Variants in CAVIN2 observed in about 807,000 individuals in gnomAD.
The protein encoded by CAVIN2 is caveolae associated protein 2, also known as caveolae-associated protein 2.
In CAVIN2, 13 loss-of-function variants were observed where a neutral mutation model predicts 11.7. The observed-to-expected ratio is 1.11, with a 90% CI of 0.72 to 1.77. The LOEUF (loss-of-function observed/expected upper bound fraction) is 1.77. Ranked by LOEUF, CAVIN2 falls within the 40% of genes most tolerant of loss-of-function variation. The pLI is 0.00. For synonymous variants in CAVIN2, 237 were observed against 223.2 expected, an observed-to-expected ratio of 1.06 and a Z score of -0.55; for missense variants, 549 against 542.9, an observed-to-expected ratio of 1.01 and a Z score of -0.11.
At position 191,835,823 on chromosome 2, in the gene CAVIN2, C is replaced by T. The variant is rs1035140520; in HGVS notation, c.*100G>A. 2.3e-5 allele frequency: 27 copies of T among 1,169,536 alleles called. No homozygotes were observed. The East Asian group carries it at 6.2e-4, about 27-fold the overall frequency. 72.4% of individuals were successfully genotyped at this position (1,169,536 alleles called of 1,614,324 possible). A position where few individuals can be genotyped will look rare whatever the true frequency, so the allele number is the denominator to read the frequency against. Reference sequence around the variant, plus strand: ...TCAATGATTACTGCCTGGACAGGAACGCAGGAGTGGGTGAGTCGTGCTGGA... The same window carrying T: ...TCAATGATTACTGCCTGGACAGGAATGCAGGAGTGGGTGAGTCGTGCTGGA... On this transcript the variant is annotated 3_prime_UTR_variant, in exon 2 of 2. Coordinates refer to ENST00000304141, the MANE Select transcript of CAVIN2 (RefSeq NM_004657.6).
rs1188947350 is a variant in CAVIN2, at chr2:191,834,478, G to A, written c.*1445C>T. 1.3e-5 allele frequency: 2 copies of A among 152,132 alleles called. No homozygotes were observed. Among genetic ancestry groups the A allele is most frequent in the Admixed American group, 6.5e-5 (1 of 15,270 alleles). The allele number at this position is 152,132 out of a possible 1,614,324, so 9.4% of individuals were successfully genotyped here. On this transcript the variant is annotated 3_prime_UTR_variant, in exon 2 of 2. Transcript: ENST00000304141. ...TTTTATTAAAGACAAAGCACAGTTT[G>A]TTAATATTGTCTTGGATTAACTCTA...
chr2:191,846,674 G>C lies in CAVIN2; in HGVS notation c.252C>G (p.Ile84Met). 1 of 1,614,206 alleles carries C rather than the reference G, an allele frequency of 6.2e-7. No homozygotes were observed. Among genetic ancestry groups the C allele is most frequent in the Non-Finnish European group, 8.5e-7 (1 of 1,180,036 alleles). ...ENQHKMEQRQ[I>M]SLEGSVKGIQ... ...TGCCCTTCACGGAGCCCTCCAAACT[G>C]ATCTGTCGCTGCTCCATCTTGTGCT... Residue 84 changes from isoleucine to methionine, a missense_variant, in exon 1 of 2, where the codon ATC (isoleucine) becomes ATG (methionine). Physicochemically the swap from Ile to Met is conservative, Grantham distance 10. Transcript: ENST00000304141.
intron 1 of CAVIN2, among the ~76,000 whole-genome samples, chr2:191,838,489 C>T (rs566599699): frequency 5.3e-5 from 8 of 152,096 alleles, no homozygotes; most frequent in Non-Finnish European, 1.0e-4. Flanking sequence ...TAGAATTCCT[C>T]GTTAGAGTGA....
At chr2:191,837,591 G>C (rs1454088579) in intron 1 of CAVIN2, among the ~76,000 whole-genome samples, 5 of 152,068 alleles carry the variant, frequency 3.3e-5, no homozygotes, top group Non-Finnish European at 7.4e-5. Flanking sequence ...TCCAGCTGCC[G>C]GGCACACAGG....
chr2:191,834,439 G>A lies in CAVIN2; in HGVS notation c.*1484C>T, dbSNP rs966502058. 6.6e-6 allele frequency: 1 copy of A among 152,118 alleles called. No individual in the cohort carries two copies. Among genetic ancestry groups the A allele is most frequent in the Non-Finnish European group, 1.5e-5 (1 of 67,994 alleles). The allele number at this position is 152,118 out of a possible 1,614,324, so 9.4% of individuals were successfully genotyped here. ...AATAGGTTATGCCATCAATATGTTT[G>A]TTAATCCTATCCCTTTTATTAAAGA... On this transcript the variant is annotated 3_prime_UTR_variant, in exon 2 of 2. Transcript: ENST00000304141.
At chr2:191,836,889 C>T (rs1023325591) in intron 1 of CAVIN2, among the ~76,000 whole-genome samples, 172 bp from the exon 2 acceptor site, 1 of 152,184 alleles carries the variant, frequency 6.6e-6, no homozygotes, top group Non-Finnish European at 1.5e-5. Flanking sequence ...TCAAGTCATT[C>T]TATTTAGGCT....
At position 191,835,277 on chromosome 2, in the gene CAVIN2, T is replaced by G. The variant is rs1689995880; in HGVS notation, c.*646A>C. Reference sequence around the variant, plus strand: ...TGTTTCTCTCATTTTCCAAATTTTCTTTCTTACTTTTTGAATAGTCCTGAC... The same window carrying G: ...TGTTTCTCTCATTTTCCAAATTTTCGTTCTTACTTTTTGAATAGTCCTGAC... On this transcript the variant is annotated 3_prime_UTR_variant, in exon 2 of 2. Coordinates refer to ENST00000304141, the MANE Select transcript of CAVIN2 (RefSeq NM_004657.6). The G allele has an allele frequency of 1.3e-5, 2 of 152,168 alleles. No homozygotes were observed. Among genetic ancestry groups the G allele is most frequent in the Admixed American group, 1.3e-4 (2 of 15,284 alleles). The allele number at this position is 152,168 out of a possible 1,614,324, so 9.4% of individuals were successfully genotyped here.
chr2:191,846,224 A>T (rs1238614494), intron 1 of CAVIN2, among the ~76,000 whole-genome samples: 1 of 152,226 alleles, frequency 6.6e-6, no homozygotes, highest in Non-Finnish European at 1.5e-5. Context: ...AAGCCCGGGG[A>T]CATCTTCTTT....
chr2:191,844,641 TCA>T (rs2105738104), intron 1 of CAVIN2, among the ~76,000 whole-genome samples: 1 of 152,286 alleles, frequency 6.6e-6, no homozygotes, highest in South Asian at 2.1e-4. Flanking sequence ...GGCTGCAATT[TCA>T]CACCTGTCAA....
intron 1 of CAVIN2, among the ~76,000 whole-genome samples, chr2:191,843,072 TACTTGG>T (rs1690115816): frequency 6.6e-6 from 1 of 152,104 alleles, no homozygotes; most frequent in Non-Finnish European, 1.5e-5. Flanking sequence ...TAATCCCAGC[TACTTGG>T]GAGGCTGAGG....
At position 191,834,784 on chromosome 2, in the gene CAVIN2, G is replaced by T. The variant is rs1477475534; in HGVS notation, c.*1139C>A. The T allele has an allele frequency of 6.6e-6, 1 of 151,932 alleles. No individual in the cohort carries two copies. The highest frequency in any genetic ancestry group is 2.4e-5 in the African/African-American group (1 of 41,400). 9.4% of individuals were successfully genotyped at this position (151,932 alleles called of 1,614,324 possible). On this transcript the variant is annotated 3_prime_UTR_variant, in exon 2 of 2. Coordinates refer to ENST00000304141, the MANE Select transcript of CAVIN2 (RefSeq NM_004657.6). Reference sequence around the variant, plus strand: ...TAATCTGGAATGAAATTCCCATTATGTACAAAAAAAGAAAAAATAGAATCT... The same window carrying T: ...TAATCTGGAATGAAATTCCCATTATTTACAAAAAAAGAAAAAATAGAATCT...
chr2:191,835,979 G>A lies in CAVIN2; in HGVS notation c.1222C>T (p.Arg408Cys), dbSNP rs748041402. 5.6e-6 allele frequency: 9 copies of A among 1,614,082 alleles called. No homozygotes were observed. Among genetic ancestry groups the A allele is most frequent in the Non-Finnish European group, 7.6e-6 (9 of 1,180,030 alleles). Residue 408 changes from arginine (R) to cysteine (C), a missense_variant, in exon 2 of 2, where the codon CGC becomes TGC. Physicochemically the swap from Arg to Cys is radical, Grantham distance 180. Transcript: ENST00000304141. Reference protein sequence around the residue: ...SYALTSEEAERSDGDPVQPAV... With the variant: ...SYALTSEEAECSDGDPVQPAV... ...GGCTGCACGGGGTCCCCATCGGAGC[G>A]CTCCGCCTCCTCGGATGTTAGCGCG...
chr2:191,835,110 T>C lies in CAVIN2; in HGVS notation c.*813A>G, dbSNP rs1027944618. On this transcript the variant is annotated 3_prime_UTR_variant, in exon 2 of 2. Transcript: ENST00000304141. Reference sequence around the variant, plus strand: ...TTAGAAAATAAAAATATTTTGAAGATGACATGTTATTCCAGGATATACGAA... The same window carrying C: ...TTAGAAAATAAAAATATTTTGAAGACGACATGTTATTCCAGGATATACGAA... 8 of 152,110 alleles carry C rather than the reference T, an allele frequency of 5.3e-5. No individual in the cohort carries two copies. Among genetic ancestry groups the C allele is most frequent in the African/African-American group, 1.7e-4 (7 of 41,468 alleles). 9.4% of individuals were successfully genotyped at this position (152,110 alleles called of 1,614,324 possible). A position where few individuals can be genotyped will look rare whatever the true frequency, so the allele number is the denominator to read the frequency against.
intron 1 of CAVIN2, among the ~76,000 whole-genome samples, chr2:191,844,714 C>A (rs1690139603): frequency 6.6e-6 from 1 of 152,028 alleles, no homozygotes; most frequent in African/African-American, 2.4e-5. Flanking sequence ...CCTTTAAGTT[C>A]CCAAGCAGTT....
rs539577876 is a variant in CAVIN2 at position 191,834,694 on chromosome 2, C to T, written c.*1229G>A. On this transcript the variant is annotated 3_prime_UTR_variant, in exon 2 of 2. Transcript: ENST00000304141. ...AATATATGTGTACATATACATAAAACGCTAGCATGCTTTAAGAAGTTAAGA... is the reference window on the plus strand; with the variant it reads ...AATATATGTGTACATATACATAAAATGCTAGCATGCTTTAAGAAGTTAAGA... 7.9e-5 allele frequency: 12 copies of T among 152,014 alleles called. No homozygotes were observed. The highest frequency in any genetic ancestry group is 2.2e-4 in the African/African-American group (9 of 41,404). 9.4% of individuals were successfully genotyped at this position (152,014 alleles called of 1,614,324 possible). A position where few individuals can be genotyped will look rare whatever the true frequency, so the allele number is the denominator to read the frequency against.
intron 1 of CAVIN2, among the ~76,000 whole-genome samples, chr2:191,846,131 A>G (rs1439401458): frequency 6.6e-6 from 1 of 152,248 alleles, no homozygotes; most frequent in Admixed American, 6.5e-5. Flanking sequence ...AATGAATTTG[A>G]CTAGGGTGCA....
At chr2:191,837,531 G>A (rs1690040613) in intron 1 of CAVIN2, among the ~76,000 whole-genome samples, 1 of 152,178 alleles carries the variant, frequency 6.6e-6, no homozygotes, top group Non-Finnish European at 1.5e-5. Flanking sequence ...AGCGAAGAGT[G>A]AGGAGAGAAG....
Position 191,836,444 on chromosome 2 carries a change from T to C in CAVIN2, c.757A>G (p.Lys253Glu). The change falls in exon 2 of 2, where the codon AAA (lysine) becomes GAA (glutamate). Residue 253 changes from lysine to glutamate, a missense_variant. Physicochemically the swap from Lys to Glu is moderately conservative, Grantham distance 56 (BLOSUM62 1). Transcript: ENST00000304141. The part of the protein sequence containing the change: ...KKAFSRQNIE[K>E]KMNKLGTKIV... ...TTTGTCCCCAGCTTGTTCATCTTTT[T>C]CTCGATGTTCTGGCGAGAAAATGCT... 6.2e-7 allele frequency: 1 copy of C among 1,614,188 alleles called. No individual in the cohort carries two copies. The highest frequency in any genetic ancestry group is 8.5e-7 in the Non-Finnish European group (1 of 1,180,046).
chr2:191,838,592 T>TA (rs1222229775), intron 1 of CAVIN2, among the ~76,000 whole-genome samples: 1 of 152,118 alleles, frequency 6.6e-6, no homozygotes, highest in African/African-American at 2.4e-5. Flanking sequence ...AAAGACAAAG[T>TA]AAAAAAATAA....
Sources: gnomAD v4.1 joint callset for allele counts (sites outside exome capture counted in the v4.1 genomes callset) on GRCh38, gnomAD v4.1.1 for gene constraint, MANE v1.5 for transcripts, NCBI Gene and HGNC (gene_info 2026-07-23, HGNC 2026-07-21) for gene names.